MEIS1: variants seen among roughly 807,000 people sequenced by gnomAD.
MEIS1 encodes the protein Meis homeobox 1.
A neutral mutation model predicts 50.8 loss-of-function variants in MEIS1; 5 were observed. The observed-to-expected ratio is 0.10, with a 90% CI of 0.05 to 0.21. The LOEUF (loss-of-function observed/expected upper bound fraction) is 0.21, where lower values mean the gene tolerates loss of function less well. MEIS1 is among the 10% of genes least tolerant of loss of function. The probability of loss-of-function intolerance (pLI) is 1.00; values close to 1 mark genes in which losing one functional copy is unlikely to be tolerated. For synonymous variants in MEIS1, 176 were observed against 179.3 expected, an observed-to-expected ratio of 0.98 and a Z score of 0.15; for missense variants, 318 against 517.3, an observed-to-expected ratio of 0.61 and a Z score of 3.74.
intron 9 of MEIS1, among the ~76,000 whole-genome samples, chr2:66,553,955 G>A (rs1674988990): frequency 6.6e-6 from 1 of 152,188 alleles, no homozygotes; most frequent in South Asian, 2.1e-4. Flanking sequence ...GAAGGTCTAG[G>A]ATGTAGGAAG....
chr2:66,518,760 T>C (rs1433797822), intron 8 of MEIS1, among the ~76,000 whole-genome samples: 1 of 152,212 alleles, frequency 6.6e-6, no homozygotes, highest in African/African-American at 2.4e-5. Context: ...AGGAATTTTA[T>C]GCTAGTTTGG....
At position 66,569,031 on chromosome 2, in the gene MEIS1, A is replaced by C; in HGVS notation, c.1115-19A>C. 1 of 1,610,764 alleles carries C rather than the reference A, an allele frequency of 6.2e-7. No homozygotes were observed. The highest frequency in any genetic ancestry group is 8.5e-7 in the Non-Finnish European group (1 of 1,177,920). On this transcript the variant is annotated intron_variant, in intron 11 of 12. Coordinates refer to ENST00000272369, the MANE Select transcript of MEIS1 (RefSeq NM_002398.3). ...TGCTCATTTTCTGGCCTCTTCTTGGATTTTTATCTCCCTTCTAGGACCTAT... is the reference window on the plus strand; with the variant it reads ...TGCTCATTTTCTGGCCTCTTCTTGGCTTTTTATCTCCCTTCTAGGACCTAT...
intron 8 of MEIS1, among the ~76,000 whole-genome samples, chr2:66,525,326 G>A (rs1463799316): frequency 6.6e-6 from 1 of 152,168 alleles, no homozygotes; most frequent in Non-Finnish European, 1.5e-5. Context: ...TGATTGAGAG[G>A]GTTGGGGCCT....
chr2:66,548,778 C>A (rs904579214), intron 9 of MEIS1, among the ~76,000 whole-genome samples: 3 of 152,142 alleles, frequency 2.0e-5, no homozygotes, highest in Non-Finnish European at 4.4e-5. Flanking sequence ...CCAATATCCT[C>A]TAAAAGTAAG....
chr2:66,504,319 C>T (rs1673635214), intron 7 of MEIS1, among the ~76,000 whole-genome samples: 1 of 151,624 alleles, frequency 6.6e-6, no homozygotes, highest in African/African-American at 2.4e-5. Flanking sequence ...CTGCAGCCTC[C>T]GCCTCCTGGG....
At chr2:66,461,843 A>G (rs1414062150) in intron 6 of MEIS1, 1 of 469,966 alleles carries the variant, frequency 2.1e-6, no homozygotes, top group Non-Finnish European at 4.4e-6. Context: ...AAATCTTTTC[A>G]TGGTGAATTA....
At chr2:66,435,963 C>A in intron 1 of MEIS1, 95 bp downstream of exon 1, 1 of 1,174,482 alleles carries the variant, frequency 8.5e-7, no homozygotes, top group Non-Finnish European at 1.2e-6. Context: ...TTTTCTCTCT[C>A]TCTTTTAAAA....
chr2:66,519,663 G>A (rs1210673272), intron 8 of MEIS1, among the ~76,000 whole-genome samples: 1 of 152,196 alleles, frequency 6.6e-6, no homozygotes, highest in Non-Finnish European at 1.5e-5. Flanking sequence ...TTATAGGCCA[G>A]TGAGCACGGG....
rs185029623 is a variant in MEIS1 at position 66,476,637 on chromosome 2, C to A, written c.742+12417C>A. 6.5e-3 allele frequency among the ~76,000 whole-genome samples: 995 copies of A among 152,274 alleles called. 6 individuals carry two copies. Among genetic ancestry groups the A allele is most frequent in the Non-Finnish European group, 9.7e-3 (660 of 68,024 alleles). On this transcript the variant is annotated intron_variant, in intron 7 of 12. Transcript: ENST00000272369. ...GGTACCTAACAAACTGGCACAGGGG[C>A]AGCACCTGCCTGGCATCGGATGGGC...
intron 7 of MEIS1, among the ~76,000 whole-genome samples, chr2:66,497,506 G>A (rs1450740200): frequency 1.3e-5 from 2 of 152,006 alleles, no homozygotes; most frequent in Admixed American, 6.6e-5. Context: ...CCTGTTTTTC[G>A]GTAGTGTGTC....
intron 9 of MEIS1, 47 bp from the exon 10 acceptor site, chr2:66,567,406 C>A: frequency 3.8e-6 from 6 of 1,587,032 alleles, no homozygotes; most frequent in Non-Finnish European, 5.2e-6. Flanking sequence ...TCAACCCCCC[C>A]TTTTATTTTT....
At chr2:66,515,555 A>G (rs1413557013) in intron 8 of MEIS1, among the ~76,000 whole-genome samples, 1 of 152,186 alleles carries the variant, frequency 6.6e-6, no homozygotes, top group Non-Finnish European at 1.5e-5. Flanking sequence ...TTGGGCTCAC[A>G]GTCTCTAGCA....
chr2:66,437,875 C>A lies in MEIS1; in HGVS notation c.151C>A (p.Pro51Thr). 2.5e-6 allele frequency: 4 copies of A among 1,612,614 alleles called. No homozygotes were observed. The highest frequency in any genetic ancestry group is 3.4e-6 in the Non-Finnish European group (4 of 1,179,302). ...GCCTCCTCTGCACTCGCATCAGTAC[C>A]CGCACACAGCTCATACCAACGCCAT... ...HGPPLHSHQY[P>T]HTAHTNAMAP... Residue 51 changes from proline to threonine, a missense_variant, in exon 2 of 13, where the codon CCG becomes ACG. Coordinates refer to ENST00000272369, the MANE Select transcript of MEIS1 (RefSeq NM_002398.3).
intron 8 of MEIS1, among the ~76,000 whole-genome samples, chr2:66,541,456 A>G (rs1406372120): frequency 6.6e-6 from 1 of 152,180 alleles, no homozygotes; most frequent in Non-Finnish European, 1.5e-5. Context: ...CCAGCATTCT[A>G]CTTTTCCTTC....
At chr2:66,536,152 G>A (rs977640440) in intron 8 of MEIS1, among the ~76,000 whole-genome samples, 1 of 152,156 alleles carries the variant, frequency 6.6e-6, no homozygotes, top group Non-Finnish European at 1.5e-5. Context: ...TAGGAGTGAT[G>A]TCTAGATAAC....
chr2:66,514,258 T>G (rs1423443168), intron 8 of MEIS1, among the ~76,000 whole-genome samples: 1 of 152,228 alleles, frequency 6.6e-6, no homozygotes, highest in East Asian at 1.9e-4. Context: ...AGCTATTTTA[T>G]GCAGCCACTA....
chr2:66,467,292 A>G (rs1672660827), intron 7 of MEIS1, among the ~76,000 whole-genome samples: 1 of 152,122 alleles, frequency 6.6e-6, no homozygotes, highest in African/African-American at 2.4e-5. Context: ...CCTAAACATT[A>G]AAAAAAGAAA....
intron 8 of MEIS1, among the ~76,000 whole-genome samples, chr2:66,518,759 A>T (rs1328927516): frequency 1.3e-5 from 2 of 152,152 alleles, no homozygotes; most frequent in African/African-American, 2.4e-5. Context: ...TAGGAATTTT[A>T]TGCTAGTTTG....
chr2:66,437,863 T>C lies in MEIS1; in HGVS notation c.139T>C (p.Ser47Pro). ...CCTGAACCACGGGCCTCCTCTGCACTCGCATCAGTACCCGCACACAGCTCA... is the reference window on the plus strand; with the variant it reads ...CCTGAACCACGGGCCTCCTCTGCACCCGCATCAGTACCCGCACACAGCTCA... ...HHLNHGPPLH[S>P]HQYPHTAHTN... is the part of the protein sequence containing the mutation. The change falls in exon 2 of 13, where the codon TCG (serine) becomes CCG (proline). Residue 47 changes from serine to proline, a missense_variant. Ser to Pro is a moderately conservative substitution (Grantham distance 74, BLOSUM62 -1). Transcript: ENST00000272369. The C allele has an allele frequency of 6.2e-7, 1 of 1,613,332 alleles. No individual in the cohort carries two copies. Among genetic ancestry groups the C allele is most frequent in the Non-Finnish European group, 8.5e-7 (1 of 1,179,596 alleles).
Sources: allele counts gnomAD v4.1 joint callset (sites outside exome capture counted in the v4.1 genomes callset), GRCh38; gene constraint gnomAD v4.1.1; transcripts MANE v1.5; gene names NCBI Gene and HGNC (gene_info 2026-07-23, HGNC 2026-07-21).